NTRK3: variants seen among roughly 807,000 people sequenced by gnomAD.
The protein encoded by NTRK3 is neurotrophic receptor tyrosine kinase 3.
NTRK3 carries 24 observed loss-of-function variants against 91.7 expected under a neutral mutation model. That is an observed-to-expected ratio of 0.26 (90% CI 0.19 to 0.37). The LOEUF is 0.37. Ranked by LOEUF, NTRK3 falls within the 10% of genes least tolerant of loss-of-function variation. The pLI, the probability that NTRK3 is intolerant of heterozygous loss-of-function variation, is 1.00. For synonymous variants in NTRK3, 483 were observed against 404.0 expected (o/e 1.20, Z -2.34); for missense variants, 880 against 1,068.9 (o/e 0.82, Z 2.46).
At chr15:87,871,443 TTC>T (rs1428728091) in exon 19 of NTRK3, 2 of 229,194 alleles carry the variant, frequency 8.7e-6, no homozygotes, top group Non-Finnish European at 8.6e-6. Flanking sequence ...AAATCTCACA[TTC>T]TCTCTGTCTC....
At chr15:87,869,885 A>G (rs577616687) in exon 19 of NTRK3, 63 of 191,250 alleles carry the variant, frequency 3.3e-4, no homozygotes, top group African/African-American at 1.4e-3. Flanking sequence ...TTACAAAATT[A>G]GTTTTTAAAA....
intron 13 of NTRK3, among the ~76,000 whole-genome samples, chr15:88,097,482 C>G (rs2049735311): frequency 2.6e-5 from 4 of 152,164 alleles, no homozygotes; most frequent in Admixed American, 2.0e-4. Flanking sequence ...GTTGATTGGT[C>G]AAACTCTTCT....
At chr15:87,901,155 C>A (rs1482156995) in intron 17 of NTRK3, among the ~76,000 whole-genome samples, 9 of 152,148 alleles carry the variant, frequency 5.9e-5, no homozygotes, top group African/African-American at 2.2e-4. Context: ...GTGGGCTGCT[C>A]CATCTCTCTT....
intron 14 of NTRK3, among the ~76,000 whole-genome samples, chr15:88,001,376 T>C (rs926142226): frequency 6.6e-6 from 1 of 152,154 alleles, no homozygotes; most frequent in Non-Finnish European, 1.5e-5. Flanking sequence ...CTTTTGTTAC[T>C]TGTGTTTTTG....
At chr15:88,121,024 A>G (rs2052644897) in intron 13 of NTRK3, among the ~76,000 whole-genome samples, 1 of 152,224 alleles carries the variant, frequency 6.6e-6, no homozygotes, top group South Asian at 2.1e-4. Context: ...TTCTCACAGT[A>G]TCTCTGATCT....
At chr15:88,209,625 C>G (rs757513121) in intron 3 of NTRK3, among the ~76,000 whole-genome samples, 2 of 152,210 alleles carry the variant, frequency 1.3e-5, no homozygotes, top group Admixed American at 1.3e-4. Flanking sequence ...GCTGTGAAGC[C>G]CAGGGTCAGA....
At chr15:88,078,118 T>G (rs1366072644) in intron 13 of NTRK3, among the ~76,000 whole-genome samples, 1 of 152,040 alleles carries the variant, frequency 6.6e-6, no homozygotes, top group Non-Finnish European at 1.5e-5. Flanking sequence ...ATCTATAAGG[T>G]GTATACATCA....
chr15:87,931,861 C>A (rs935276808), intron 16 of NTRK3, among the ~76,000 whole-genome samples: 1 of 152,182 alleles, frequency 6.6e-6, no homozygotes, highest in Non-Finnish European at 1.5e-5. Flanking sequence ...GGTGAGTGGG[C>A]TAGAGCCTTC....
intron 13 of NTRK3, among the ~76,000 whole-genome samples, chr15:88,101,810 T>C (rs1016580505): frequency 2.0e-5 from 3 of 152,014 alleles, no homozygotes; most frequent in Non-Finnish European, 4.4e-5. Flanking sequence ...AGGTGGGAAT[T>C]GAACAATGAG....
chr15:88,224,023 C>A (rs1299780538), intron 3 of NTRK3, among the ~76,000 whole-genome samples: 2 of 152,214 alleles, frequency 1.3e-5, no homozygotes, highest in Admixed American at 6.5e-5. Flanking sequence ...GTAGCACCCA[C>A]ATAGCTAGGA....
intron 14 of NTRK3, among the ~76,000 whole-genome samples, chr15:88,009,659 G>A (rs1327457656): frequency 6.6e-6 from 1 of 152,156 alleles, no homozygotes; most frequent in Non-Finnish European, 1.5e-5. Flanking sequence ...TTTGCAACCT[G>A]TCTATCTTCC....
At chr15:87,925,603 T>G (rs2068236727) in intron 17 of NTRK3, 1 of 211,470 alleles carries the variant, frequency 4.7e-6, no homozygotes, top group African/African-American at 2.3e-5. Context: ...GAGAGAATCC[T>G]TCACAGTATT....
At chr15:87,929,379 C>A (rs891767826) in exon 17 of NTRK3, 1 of 1,614,000 alleles carries the variant, frequency 6.2e-7, no homozygotes, top group East Asian at 2.2e-5. Context: ...CCCAGCTCAC[C>A]CTTGGCCTGG....
chr15:88,112,825 C>T (rs993538177), intron 13 of NTRK3, among the ~76,000 whole-genome samples: 2 of 152,166 alleles, frequency 1.3e-5, no homozygotes, highest in Admixed American at 6.5e-5. Context: ...CCACATCAAC[C>T]TGAGCATTGT....
chr15:87,871,325 G>A (rs993259189), exon 19 of NTRK3: 3 of 231,228 alleles, frequency 1.3e-5, no homozygotes, highest in Admixed American at 5.6e-5. Context: ...TTCAGGGTAG[G>A]GCAGCCCATG....
intron 5 of NTRK3, among the ~76,000 whole-genome samples, chr15:88,155,187 C>T (rs571526351): frequency 6.6e-6 from 1 of 152,052 alleles, no homozygotes; most frequent in African/African-American, 2.4e-5. Context: ...ATGAATTATC[C>T]CATGGTCCCA....
At chr15:87,924,170 A>C (rs943737001) in intron 17 of NTRK3, among the ~76,000 whole-genome samples, 5 of 152,158 alleles carry the variant, frequency 3.3e-5, no homozygotes, top group Non-Finnish European at 7.4e-5. Flanking sequence ...AAGACACAGA[A>C]AGGGCAAGTA....
rs80332124 is a variant in NTRK3, at chr15:88,035,725, C to T, written c.1397-2680G>A. ...GAGCACAAGACAAGTAGACAATCAG[C>T]GACCTGCAGGAAACAGAGGCAATGC... On this transcript the variant is annotated intron_variant, in intron 13 of 18. Coordinates refer to ENST00000394480, the Ensembl canonical transcript of NTRK3. Among the ~76,000 whole-genome samples the T allele has an allele frequency of 2.7e-3, 406 of 152,220 alleles. 2 individuals are homozygous for T. The highest frequency in any genetic ancestry group is 4.5e-3 in the Non-Finnish European group (306 of 68,020).
intron 14 of NTRK3, among the ~76,000 whole-genome samples, chr15:88,024,829 C>T (rs2077890724): frequency 6.6e-6 from 1 of 152,146 alleles, no homozygotes. Flanking sequence ...TGACAAGCTG[C>T]CTTTGAAATG....
Sources: gnomAD v4.1 joint callset for allele counts (sites outside exome capture counted in the v4.1 genomes callset) on GRCh38, gnomAD v4.1.1 for gene constraint, MANE v1.5 for transcripts, NCBI Gene and HGNC (gene_info 2026-07-23, HGNC 2026-07-21) for gene names.